The following CA12 variants were observed in gnomAD, a reference collection of about 807,000 sequenced individuals.
CA12 encodes carbonate dehydratase XII.
A neutral mutation model predicts 46.8 loss-of-function variants in CA12; 36 were observed. The ratio of observed to expected loss-of-function variants is 0.77; its 90% CI spans 0.59 to 1.02. The LOEUF is 1.02. Ranked by LOEUF, CA12 falls within the 50% of genes least tolerant of loss-of-function variation. The probability of loss-of-function intolerance (pLI) is 0.00; values close to 1 mark genes in which losing one functional copy is unlikely to be tolerated. For missense variants in CA12, 436 were observed against 451.4 expected (o/e 0.97, Z 0.31); for synonymous variants, 202 against 187.0 (o/e 1.08, Z -0.65).
chr15:63,363,436 A>T (rs991196953), intron 2 of CA12, among the ~76,000 whole-genome samples: 1 of 152,192 alleles, frequency 6.6e-6, no homozygotes. Flanking sequence ...GGGCCAGGCT[A>T]TGTGCATCTA....
At chr15:63,334,256 T>C (rs1275614030) in intron 8 of CA12, among the ~76,000 whole-genome samples, 1 of 133,882 alleles carries the variant, frequency 7.5e-6, no homozygotes, top group Non-Finnish European at 1.6e-5. Context: ...TTTTTTTTTT[T>C]TTTTTTTTTT....
chr15:63,375,972 GTTAATTTTGTA>G lies in CA12; in HGVS notation c.86-305_86-295del, dbSNP rs201625982. On this transcript the variant is annotated intron_variant, in intron 1 of 10. Coordinates refer to ENST00000178638, the MANE Select transcript of CA12 (RefSeq NM_001218.5). ...TTACAGGCACGCACCGTCACGCCTG[GTTAATTTTGTA>G]TTTTTAGTAGAGATGGGGTTTCTCC... 6.5e-3 allele frequency among the ~76,000 whole-genome samples: 986 copies of G among 152,178 alleles called. 17 individuals are homozygous for G. The highest frequency in any genetic ancestry group is 0.023 in the African/African-American group (946 of 41,524).
intron 3 of CA12, 90 bp downstream of exon 3, chr15:63,346,422 CTCCTGGATGCTTCCACGG>C: frequency 2.4e-6 from 2 of 851,042 alleles, no homozygotes; most frequent in Non-Finnish European, 3.9e-6. Context: ...CCCACCCCTC[CTCCTGGATGCTTCCACGG>C]AACACCTCCC....
At chr15:63,375,523 C>T in intron 2 of CA12, 135 bp downstream of exon 2, 1 of 659,840 alleles carries the variant, frequency 1.5e-6, no homozygotes. Flanking sequence ...TTTGTACTCT[C>T]TTTCTACAAT....
At position 63,330,494 on chromosome 15, in the gene CA12, C is replaced by A. The variant is rs546361509; in HGVS notation, c.875-2364G>T. ...CCACCTGAAGACTATTACTAGGAAG[C>A]CTTACCACCTGGCTAAGCCATCCAG... On this transcript the variant is annotated intron_variant, in intron 8 of 10. Coordinates refer to ENST00000178638, the MANE Select transcript of CA12 (RefSeq NM_001218.5). This position sits in a 1 kb window ranked among gnomAD's most constrained non-coding sequence, Gnocchi z 4.0. 1.3e-5 allele frequency among the ~76,000 whole-genome samples: 2 copies of A among 152,316 alleles called. No individual in the cohort carries two copies. The highest frequency in any genetic ancestry group is 4.1e-4 in the South Asian group (2 of 4,826).
Position 63,330,927 on chromosome 15 carries a change from C to G in CA12, c.875-2797G>C, listed in dbSNP as rs369367631. Among the ~76,000 whole-genome samples, 4 of 152,336 alleles carry G rather than the reference C, an allele frequency of 2.6e-5. No homozygotes were observed. The highest frequency in any genetic ancestry group is 1.9e-4 in the East Asian group (1 of 5,186). On this transcript the variant is annotated intron_variant, in intron 8 of 10. Coordinates refer to ENST00000178638, the MANE Select transcript of CA12 (RefSeq NM_001218.5). This position sits in a 1 kb window ranked among gnomAD's most constrained non-coding sequence, Gnocchi z 4.0. ...ATGAAGACAAAGAAAGGCCCAGAGACTGGGACAGATACTTTTCAGCCAAGA... is the reference window on the plus strand; with the variant it reads ...ATGAAGACAAAGAAAGGCCCAGAGAGTGGGACAGATACTTTTCAGCCAAGA...
intron 2 of CA12, among the ~76,000 whole-genome samples, chr15:63,353,535 G>A (rs900588213): frequency 6.6e-6 from 1 of 152,088 alleles, no homozygotes; most frequent in Non-Finnish European, 1.5e-5. Flanking sequence ...TGTTAGAAAG[G>A]TCTTCCTGTT....
chr15:63,360,538 C>T (rs1444747524), intron 2 of CA12, among the ~76,000 whole-genome samples: 1 of 152,248 alleles, frequency 6.6e-6, no homozygotes, highest in East Asian at 1.9e-4. Flanking sequence ...TCTCCCAACA[C>T]TACCCCTCAA....
At chr15:63,368,605 G>A (rs1056124451) in intron 2 of CA12, among the ~76,000 whole-genome samples, 4 of 152,190 alleles carry the variant, frequency 2.6e-5, no homozygotes, top group Non-Finnish European at 4.4e-5. Context: ...AAGGGGATGC[G>A]TTGCCAAAAG....
intron 2 of CA12, among the ~76,000 whole-genome samples, chr15:63,370,500 C>A (rs887604491): frequency 1.3e-5 from 2 of 150,998 alleles, no homozygotes; most frequent in Non-Finnish European, 2.9e-5. Flanking sequence ...GGGCGGGGCA[C>A]GGTGGCTCAT....
chr15:63,326,807 A>G (rs995466410), intron 10 of CA12, among the ~76,000 whole-genome samples: 3 of 152,202 alleles, frequency 2.0e-5, no homozygotes, highest in Admixed American at 2.0e-4. Context: ...ATAGACCAAA[A>G]AGCATATGTA....
rs559878953 is a variant in CA12, at chr15:63,378,249, G to T, written c.86-2571C>A. ...CTAAAAATACAAAAATTAGGCAGGC[G>T]TGGTGGCGGGTGCCTGTAATCCCAG... On this transcript the variant is annotated intron_variant, in intron 1 of 10. Transcript: ENST00000178638. This position sits in a 1 kb window ranked among gnomAD's most constrained non-coding sequence, Gnocchi z 4.8. Among the ~76,000 whole-genome samples, 5 of 152,148 alleles carry T rather than the reference G, an allele frequency of 3.3e-5. No individual in the cohort carries two copies. Among genetic ancestry groups the T allele is most frequent in the African/African-American group, 1.2e-4 (5 of 41,424 alleles).
rs759217322 is a variant in CA12, at chr15:63,328,057, A to T, written c.907+41T>A. ...GATCACACCAAGAATCACAGTGATC[A>T]CCCAGCTGCAGCATGCACGGCTGGC... is the stretch of plus-strand genomic sequence containing the variant. On this transcript the variant is annotated intron_variant, in intron 9 of 10. Coordinates refer to ENST00000178638, the MANE Select transcript of CA12 (RefSeq NM_001218.5). This position sits in a 1 kb window ranked among gnomAD's most constrained non-coding sequence, Gnocchi z 5.9. 3.1e-5 allele frequency: 50 copies of T among 1,597,268 alleles called. No homozygotes were observed. The South Asian group carries it at 5.5e-4, about 18-fold the overall frequency.
rs148708737 is a variant in CA12, at chr15:63,340,226, A to C, written c.747+62T>G. ...AGGAAATCAAGTCATTGATTGTGAT[A>C]TGGAGGATGATGGGGACTGAGGTGC... is the stretch of plus-strand genomic sequence containing the variant. On this transcript the variant is annotated intron_variant, in intron 7 of 10. Coordinates refer to ENST00000178638, the MANE Select transcript of CA12 (RefSeq NM_001218.5). The surrounding 1 kb of genome is among the most constrained non-coding windows in gnomAD (Gnocchi z 4.4). The C allele has an allele frequency of 1.3e-6, 2 of 1,560,680 alleles. No homozygotes were observed. Among genetic ancestry groups the C allele is most frequent in the East Asian group, 2.2e-5 (1 of 44,622 alleles).
At position 63,345,225 on chromosome 15, in the gene CA12, C is replaced by T. The variant is rs2039130412; in HGVS notation, c.429+252G>A. The stretch of plus-strand genomic sequence containing the variant: ...GGGCCACCCTGGGAATACTGCCTCC[C>T]CAGCAGCATCACTCAGTAAAAGACA... On this transcript the variant is annotated intron_variant, in intron 4 of 10. Transcript: ENST00000178638. The surrounding 1 kb of genome is among the most constrained non-coding windows in gnomAD (Gnocchi z 4.3). Among the ~76,000 whole-genome samples the T allele has an allele frequency of 6.6e-6, 1 of 152,206 alleles. No individual in the cohort carries two copies. Among genetic ancestry groups the T allele is most frequent in the Non-Finnish European group, 1.5e-5 (1 of 68,028 alleles).
At position 63,340,969 on chromosome 15, in the gene CA12, C is replaced by A. The variant is rs1395083050; in HGVS notation, c.526-186G>T. On this transcript the variant is annotated intron_variant, in intron 5 of 10. Coordinates refer to ENST00000178638, the MANE Select transcript of CA12 (RefSeq NM_001218.5). This position sits in a 1 kb window ranked among gnomAD's most constrained non-coding sequence, Gnocchi z 4.4. ...GTTAGTGTAATGGTCCTGCCTCTTG[C>A]ATCTCAGGACGTCCTGTTTTCAGCT... 6.6e-6 allele frequency among the ~76,000 whole-genome samples: 1 copy of A among 152,192 alleles called. No individual in the cohort carries two copies. Among genetic ancestry groups the A allele is most frequent in the Non-Finnish European group, 1.5e-5 (1 of 68,040 alleles).
chr15:63,325,577 C>G lies in CA12; in HGVS notation c.*708G>C, dbSNP rs911611563. ...ATGTCTTCTCATTCTCTTTGTCCCT[C>G]TAGCTCTCTCTCCCTTCTCATCCCC... is the stretch of plus-strand genomic sequence containing the variant. On this transcript the variant is annotated 3_prime_UTR_variant, in exon 11 of 11. Coordinates refer to ENST00000178638, the MANE Select transcript of CA12 (RefSeq NM_001218.5). The surrounding 1 kb of genome is among the most constrained non-coding windows in gnomAD (Gnocchi z 4.9). 1 of 152,992 alleles carries G rather than the reference C, an allele frequency of 6.5e-6. No homozygotes were observed. Among genetic ancestry groups the G allele is most frequent in the Non-Finnish European group, 1.5e-5 (1 of 68,572 alleles). The allele number at this position is 152,992 out of a possible 1,614,324, so 9.5% of individuals were successfully genotyped here.
At chr15:63,338,984 C>G in intron 7 of CA12, 39 bp from the exon 8 acceptor site, 1 of 1,613,300 alleles carries the variant, frequency 6.2e-7, no homozygotes, top group Non-Finnish European at 8.5e-7. Context: ...GGCAGAATGA[C>G]CTCCTCACCT....
rs2039532223 is a variant in CA12, at chr15:63,373,494, A to G, written c.106+2164T>C. Among the ~76,000 whole-genome samples, 1 of 152,154 alleles carries G rather than the reference A, an allele frequency of 6.6e-6. No individual in the cohort carries two copies. Among genetic ancestry groups the G allele is most frequent in the South Asian group, 2.1e-4 (1 of 4,828 alleles). ...CCGTAGAGATGTGATCTGTGTTTCTATCATACCTGAGAGGCCAGCAGAAGA... is the reference window on the plus strand; with the variant it reads ...CCGTAGAGATGTGATCTGTGTTTCTGTCATACCTGAGAGGCCAGCAGAAGA... On this transcript the variant is annotated intron_variant, in intron 2 of 10. Coordinates refer to ENST00000178638, the MANE Select transcript of CA12 (RefSeq NM_001218.5). This position sits in a 1 kb window ranked among gnomAD's most constrained non-coding sequence, Gnocchi z 4.9.
Sources: gnomAD v4.1 joint callset for allele counts (sites outside exome capture counted in the v4.1 genomes callset) on GRCh38, gnomAD v4.1.1 for gene constraint, Gnocchi (gnomAD v3.1) non-coding constraint, MANE v1.5 for transcripts, NCBI Gene and HGNC (gene_info 2026-07-23, HGNC 2026-07-21) for gene names.